GPC5: variants seen among roughly 807,000 people sequenced by gnomAD.
GPC5 encodes glypican-5.
GPC5 carries 47 observed loss-of-function variants against 53.9 expected under a neutral mutation model. The observed-to-expected ratio is 0.87, with a 90% confidence interval of 0.69 to 1.11. The LOEUF is 1.11. Ranked by LOEUF, GPC5 falls within the 50% of genes most tolerant of loss-of-function variation. The pLI is 0.00. For missense variants in GPC5, 748 were observed against 713.1 expected, an observed-to-expected ratio of 1.05 and a Z score of -0.56; for synonymous variants, 286 against 263.3, an observed-to-expected ratio of 1.09 and a Z score of -0.84.
At chr13:91,838,972 C>G (rs1267907037) in intron 5 of GPC5, among the ~76,000 whole-genome samples, 1 of 151,498 alleles carries the variant, frequency 6.6e-6, no homozygotes, top group Non-Finnish European at 1.5e-5. Context: ...CGTATATACT[C>G]AAGGTTTTTG....
intron 7 of GPC5, among the ~76,000 whole-genome samples, chr13:92,345,129 TTA>T (rs1454276325): frequency 1.6e-4 from 24 of 152,202 alleles, no homozygotes; most frequent in African/African-American, 5.5e-4. Context: ...ACCAGAATAA[TTA>T]TGATCCATGA....
chr13:92,748,739 A>G (rs1242871113), intron 7 of GPC5, among the ~76,000 whole-genome samples: 1 of 152,188 alleles, frequency 6.6e-6, no homozygotes. Flanking sequence ...TTTAAAATGA[A>G]TACTCCTTTT....
intron 5 of GPC5, among the ~76,000 whole-genome samples, chr13:91,809,692 T>G (rs1218663097): frequency 6.6e-6 from 1 of 152,114 alleles, no homozygotes; most frequent in African/African-American, 2.4e-5. Flanking sequence ...TCCCATCTCC[T>G]GCTTTGTTTT....
chr13:92,081,862 A>G (rs2041298352), intron 6 of GPC5, among the ~76,000 whole-genome samples: 1 of 152,184 alleles, frequency 6.6e-6, no homozygotes, highest in African/African-American at 2.4e-5. Flanking sequence ...GAAGTATATA[A>G]TGCGTATATT....
intron 7 of GPC5, among the ~76,000 whole-genome samples, chr13:92,362,150 A>G (rs1463073931): frequency 6.6e-6 from 1 of 151,336 alleles, no homozygotes; most frequent in Non-Finnish European, 1.5e-5. Context: ...TACCCAGTGA[A>G]AGTTTTCCAT....
intron 7 of GPC5, among the ~76,000 whole-genome samples, chr13:92,348,379 A>G (rs560264262): frequency 2.0e-5 from 3 of 152,116 alleles, no homozygotes; most frequent in Non-Finnish European, 4.4e-5. Flanking sequence ...TCAAGAGGAT[A>G]TAATAATAGT....
intron 5 of GPC5, among the ~76,000 whole-genome samples, chr13:91,874,571 C>T (rs916658174): frequency 6.6e-6 from 1 of 152,022 alleles, no homozygotes; most frequent in Non-Finnish European, 1.5e-5. Flanking sequence ...GAATTTCTTA[C>T]GATGGTAAAT....
At chr13:92,307,031 A>G (rs986441659) in intron 7 of GPC5, among the ~76,000 whole-genome samples, 4 of 152,218 alleles carry the variant, frequency 2.6e-5, no homozygotes, top group Non-Finnish European at 5.9e-5. Flanking sequence ...TATGGTAGAG[A>G]GCAAGAGCCA....
chr13:91,408,028 T>C (rs1252073767), intron 1 of GPC5, among the ~76,000 whole-genome samples: 1 of 152,202 alleles, frequency 6.6e-6, no homozygotes, highest in Non-Finnish European at 1.5e-5. Context: ...AACTATGCAT[T>C]ACCTCACCTA....
At chr13:91,853,585 C>G (rs114783248) in intron 5 of GPC5, among the ~76,000 whole-genome samples, 306 of 152,038 alleles carry the variant, frequency 2.0e-3, no homozygotes, top group African/African-American at 7.0e-3. Flanking sequence ...TAACCAACTT[C>G]TAGAAAGGTA....
intron 2 of GPC5, among the ~76,000 whole-genome samples, chr13:91,643,751 T>C (rs2034490875): frequency 6.6e-6 from 1 of 152,146 alleles, no homozygotes. Flanking sequence ...GCCTTCACCA[T>C]CACATGGCCT....
chr13:91,508,885 A>G (rs1301780641), intron 2 of GPC5, among the ~76,000 whole-genome samples: 1 of 152,170 alleles, frequency 6.6e-6, no homozygotes, highest in Non-Finnish European at 1.5e-5. Flanking sequence ...ACATTAAGGA[A>G]TTTGCCCCCC....
chr13:91,814,765 T>C (rs1332986247), intron 5 of GPC5, among the ~76,000 whole-genome samples: 1 of 152,098 alleles, frequency 6.6e-6, no homozygotes, highest in Non-Finnish European at 1.5e-5. Flanking sequence ...GGTCTTGAAC[T>C]CCTGACTTCA....
At chr13:92,059,012 A>C (rs980892553) in intron 6 of GPC5, among the ~76,000 whole-genome samples, 2 of 152,208 alleles carry the variant, frequency 1.3e-5, no homozygotes, top group Non-Finnish European at 2.9e-5. Context: ...AAAAACTTGA[A>C]TTACCTTGCT....
rs117041532 is a variant in GPC5 at position 91,816,889 on chromosome 13, G to T, written c.1280+60469G>T. On this transcript the variant is annotated intron_variant, in intron 5 of 7. Coordinates refer to ENST00000377067, the MANE Select transcript of GPC5 (RefSeq NM_004466.6). ...GGACTTGGTAAATTGATTAACCTGGGTATGGCTCAGTTAAAACTTGCCTCA... is the reference window on the plus strand; with the variant it reads ...GGACTTGGTAAATTGATTAACCTGGTTATGGCTCAGTTAAAACTTGCCTCA... 9.9e-5 allele frequency among the ~76,000 whole-genome samples: 15 copies of T among 152,188 alleles called. No individual in the cohort carries two copies. In the East Asian group the frequency reaches 2.3e-3, roughly 24 times the overall value.
intron 5 of GPC5, among the ~76,000 whole-genome samples, chr13:91,847,219 CAAAAAAA>C: frequency 1.2e-5 from 1 of 86,024 alleles, no homozygotes; most frequent in African/African-American, 4.8e-5. Flanking sequence ...GACTCCATCT[CAAAAAAA>C]AAAAAAAAAA....
chr13:92,314,111 A>G (rs2043163098), intron 7 of GPC5, among the ~76,000 whole-genome samples: 2 of 152,164 alleles, frequency 1.3e-5, no homozygotes, highest in African/African-American at 2.4e-5. Context: ...AGAGAATTAT[A>G]TCACATGTCA....
At chr13:92,380,605 T>C (rs1287924424) in intron 7 of GPC5, among the ~76,000 whole-genome samples, 2 of 151,884 alleles carry the variant, frequency 1.3e-5, no homozygotes, top group Non-Finnish European at 2.9e-5. Context: ...TATGCAGCCA[T>C]AAAAAATGAT....
At chr13:91,909,702 A>G (rs962978153) in intron 6 of GPC5, among the ~76,000 whole-genome samples, 2 of 152,166 alleles carry the variant, frequency 1.3e-5, no homozygotes, top group African/African-American at 4.8e-5. Flanking sequence ...GCTGTTCCAT[A>G]AGAAGTGCAC....
Sources: allele counts gnomAD v4.1 joint callset (sites outside exome capture counted in the v4.1 genomes callset), GRCh38; gene constraint gnomAD v4.1.1; transcripts MANE v1.5; gene names NCBI Gene and HGNC (gene_info 2026-07-23, HGNC 2026-07-21).